Variants in SH3BGRL observed in about 807,000 individuals in gnomAD.
The protein encoded by SH3BGRL is adapter SH3BGRL.
A neutral mutation model predicts 9.8 loss-of-function variants in SH3BGRL; 7 were observed. The observed-to-expected ratio is 0.72, with a 90% CI of 0.41 to 1.35. The LOEUF (loss-of-function observed/expected upper bound fraction) is 1.35. Ranked by LOEUF, SH3BGRL falls within the 40% of genes most tolerant of loss-of-function variation. The pLI, the probability that SH3BGRL is intolerant of heterozygous loss-of-function variation, is 0.01. For missense variants in SH3BGRL, 73 were observed against 84.4 expected (o/e 0.86, Z 0.53); for synonymous variants, 36 against 29.1 (o/e 1.24, Z -0.76).
chrX:81,202,979 G>T (rs1254458698), intron 1 of SH3BGRL, among the ~76,000 whole-genome samples: 1 of 111,631 alleles, frequency 9.0e-6, no homozygotes, highest in Non-Finnish European at 1.9e-5. Flanking sequence ...ACTGGATAGG[G>T]AGCTCAGTGG....
At chrX:81,270,179 C>T (rs774947177) in intron 1 of SH3BGRL, among the ~76,000 whole-genome samples, 5 of 110,897 alleles carry the variant, frequency 4.5e-5, no homozygotes, top group Non-Finnish European at 7.5e-5. Flanking sequence ...TCCTTTAGCT[C>T]GGGGAAGTTT....
intron 3 of SH3BGRL, among the ~76,000 whole-genome samples, chrX:81,282,718 CA>C (rs1409506713): frequency 9.0e-6 from 1 of 111,565 alleles, no homozygotes. Flanking sequence ...ACGCCTACAT[CA>C]AAAAGTCTGA....
chrX:81,296,248 A>G (rs1216904360), intron 3 of SH3BGRL, among the ~76,000 whole-genome samples: 1 of 110,885 alleles, frequency 9.0e-6, no homozygotes, highest in Non-Finnish European at 1.9e-5. Flanking sequence ...CCTCATGATC[A>G]AATATCCTCC....
At chrX:81,267,633 G>T (rs745827272) in intron 1 of SH3BGRL, among the ~76,000 whole-genome samples, 3 of 111,409 alleles carry the variant, frequency 2.7e-5, no homozygotes, top group East Asian at 5.6e-4. Flanking sequence ...GGATTTTCAC[G>T]TCGATATTCA....
At chrX:81,212,557 T>G (rs903873519) in intron 1 of SH3BGRL, among the ~76,000 whole-genome samples, 1 of 112,292 alleles carries the variant, frequency 8.9e-6, no homozygotes, top group Non-Finnish European at 1.9e-5. Flanking sequence ...GATTTTTTAT[T>G]AGATCTTTAA....
chrX:81,271,588 G>A (rs1317064011), intron 1 of SH3BGRL, among the ~76,000 whole-genome samples: 2 of 111,295 alleles, frequency 1.8e-5, no homozygotes, highest in Non-Finnish European at 3.8e-5. Flanking sequence ...AAGAAATATA[G>A]GACTATGTGA....
rs186275358 is a variant in SH3BGRL, at chrX:81,277,873, T to A, written c.232-458T>A. Among the ~76,000 whole-genome samples the A allele has an allele frequency of 3.4e-3, 385 of 112,271 alleles. 1 individual carries two copies. Among genetic ancestry groups the A allele is most frequent in the African/African-American group, 0.012 (362 of 30,918 alleles). The stretch of plus-strand genomic sequence containing the variant: ...AGCCTTGCCTCTTTATTACTCCTTA[T>A]TCCTTCCAGAATTCTAGTATTATGG... On this transcript the variant is annotated intron_variant, in intron 2 of 3. Transcript: ENST00000373212.
chrX:81,244,579 C>A (rs940500758), intron 1 of SH3BGRL, among the ~76,000 whole-genome samples: 1 of 111,986 alleles, frequency 8.9e-6, no homozygotes, highest in Non-Finnish European at 1.9e-5. Context: ...TAAACCAATT[C>A]TAAATAGATT....
intron 1 of SH3BGRL, among the ~76,000 whole-genome samples, chrX:81,238,792 C>CAGAGAGAGAG (rs766291990): frequency 0.016 from 1,458 of 91,377 alleles, 11 homozygotes; most frequent in Non-Finnish European, 0.023. Context: ...TAGTGCAGAA[C>CAGAGAGAGAG]AGAGAGAGAG....
At chrX:81,209,465 A>G (rs756514317) in intron 1 of SH3BGRL, among the ~76,000 whole-genome samples, 19 of 111,324 alleles carry the variant, frequency 1.7e-4, no homozygotes, top group Non-Finnish European at 3.6e-4. Flanking sequence ...CATTTTACCT[A>G]ATTGGAGGGG....
intron 1 of SH3BGRL, among the ~76,000 whole-genome samples, chrX:81,235,519 G>A (rs1333433135): frequency 1.8e-5 from 2 of 110,648 alleles, no homozygotes; most frequent in African/African-American, 6.6e-5. Context: ...ACAATTAAGA[G>A]CAATAGTTTA....
chrX:81,278,630 T>C lies in SH3BGRL; in HGVS notation c.312+219T>C, dbSNP rs571231385. On this transcript the variant is annotated intron_variant, in intron 3 of 3. Coordinates refer to ENST00000373212, the MANE Select transcript of SH3BGRL (RefSeq NM_003022.3). ...GTGTTTAGCAGGTAGGTAGAGTGAC[T>C]TCCCCATCAAGCTGCCCATGGGAGC... 6.2e-5 allele frequency among the ~76,000 whole-genome samples: 7 copies of C among 112,290 alleles called. No homozygotes were observed. The South Asian group carries it at 2.6e-3, about 42-fold the overall frequency.
intron 1 of SH3BGRL, chrX:81,202,639 A>C: frequency 1.5e-6 from 1 of 657,684 alleles, no homozygotes; most frequent in Non-Finnish European, 1.8e-6. Context: ...GGAGGAGTGC[A>C]CTTCTGTAAA....
At chrX:81,240,797 T>G in intron 1 of SH3BGRL, among the ~76,000 whole-genome samples, 1 of 112,226 alleles carries the variant, frequency 8.9e-6, no homozygotes, top group Admixed American at 9.3e-5. Context: ...AAATTGATGG[T>G]GGTGGTGGTG....
At position 81,298,145 on chromosome X, in the gene SH3BGRL, A is replaced by G. The variant is rs959086508; in HGVS notation, c.*918A>G. 2 of 111,852 alleles carry G rather than the reference A, an allele frequency of 1.8e-5. No homozygotes were observed. Among genetic ancestry groups the G allele is most frequent in the Non-Finnish European group, 3.8e-5 (2 of 52,885 alleles). 9.2% of individuals were successfully genotyped at this position (111,852 alleles called of 1,213,427 possible). ...CGTTTAAAACAACTCACAATCGTAA[A>G]TGCTACTATTCCTAAGATATCTTAC... is the stretch of plus-strand genomic sequence containing the variant. On this transcript the variant is annotated 3_prime_UTR_variant, in exon 4 of 4. Transcript: ENST00000373212.
chrX:81,271,211 G>A (rs6622433), intron 1 of SH3BGRL, among the ~76,000 whole-genome samples: 19,633 of 111,395 alleles, frequency 0.18, 1,662 homozygotes, highest in East Asian at 0.7. Flanking sequence ...TCCCCAGTGA[G>A]GCAACACCCC....
At chrX:81,277,832 T>C (rs1456663633) in intron 2 of SH3BGRL, among the ~76,000 whole-genome samples, 1 of 112,235 alleles carries the variant, frequency 8.9e-6, no homozygotes, top group African/African-American at 3.2e-5. Flanking sequence ...TCAACCTATA[T>C]TAAATAAGAT....
chrX:81,241,743 C>T (rs192933275), intron 1 of SH3BGRL, among the ~76,000 whole-genome samples: 6 of 112,269 alleles, frequency 5.3e-5, no homozygotes, highest in Non-Finnish European at 9.4e-5. Context: ...ATGTGACATC[C>T]TCTTTGGGGC....
chrX:81,296,249 A>G (rs1343694876), intron 3 of SH3BGRL, among the ~76,000 whole-genome samples: 1 of 110,775 alleles, frequency 9.0e-6, no homozygotes, highest in Non-Finnish European at 1.9e-5. Flanking sequence ...CTCATGATCA[A>G]ATATCCTCCC....
Sources: allele counts gnomAD v4.1 joint callset (sites outside exome capture counted in the v4.1 genomes callset), GRCh38; gene constraint gnomAD v4.1.1; transcripts MANE v1.5; gene names NCBI Gene and HGNC (gene_info 2026-07-23, HGNC 2026-07-21).